The following CLRN1 variants were observed in gnomAD, a reference collection of about 807,000 sequenced individuals.
The protein encoded by CLRN1 is clarin 1, also known as clarin-1.
A neutral mutation model predicts 18.7 loss-of-function variants in CLRN1; 15 were observed. The ratio of observed to expected loss-of-function variants is 0.80; its 90% CI spans 0.54 to 1.23. The LOEUF (loss-of-function observed/expected upper bound fraction) is 1.23. Ranked by LOEUF, CLRN1 falls within the 50% of genes most tolerant of loss-of-function variation. The pLI, the probability that CLRN1 is intolerant of heterozygous loss-of-function variation, is 0.00. For missense variants in CLRN1, 311 were observed against 277.5 expected, an observed-to-expected ratio of 1.12 and a Z score of -0.86; for synonymous variants, 104 against 102.9, an observed-to-expected ratio of 1.01 and a Z score of -0.07.
intron 2 of CLRN1, among the ~76,000 whole-genome samples, chr3:150,935,701 A>G (rs1713440489): frequency 6.6e-6 from 1 of 151,532 alleles, no homozygotes; most frequent in African/African-American, 2.4e-5. Context: ...CTAGTTCTAG[A>G]TCCCTGAGGA....
At chr3:150,940,127 C>T (rs1171999474) in intron 2 of CLRN1, among the ~76,000 whole-genome samples, 1 of 152,240 alleles carries the variant, frequency 6.6e-6, no homozygotes, top group East Asian at 1.9e-4. Flanking sequence ...GAGCTTCATG[C>T]TGAATGCTTT....
At chr3:150,929,362 G>A (rs1382621192) in intron 2 of CLRN1, among the ~76,000 whole-genome samples, 1 of 152,158 alleles carries the variant, frequency 6.6e-6, no homozygotes, top group Non-Finnish European at 1.5e-5. Flanking sequence ...ACCAGATCAG[G>A]AGCACATAGG....
intron 1 of CLRN1, among the ~76,000 whole-genome samples, chr3:150,965,794 GGT>G (rs10586519): frequency 0.12 from 18,834 of 152,162 alleles, 1,285 homozygotes; most frequent in East Asian, 0.24. Context: ...AAGGTATATG[GGT>G]GTGCGTGTGC....
chr3:150,959,530 G>A (rs1005991366), intron 1 of CLRN1, among the ~76,000 whole-genome samples: 1 of 151,790 alleles, frequency 6.6e-6, no homozygotes, highest in African/African-American at 2.4e-5. Flanking sequence ...TCAGGAGGCT[G>A]GGGCAGGAGA....
intron 1 of CLRN1, among the ~76,000 whole-genome samples, chr3:150,963,565 T>C (rs2107984217): frequency 6.6e-6 from 1 of 152,296 alleles, no homozygotes; most frequent in East Asian, 1.9e-4. Flanking sequence ...AAAAAACTAC[T>C]TTAAATTTCA....
chr3:150,964,527 C>T (rs1715176174), intron 1 of CLRN1, among the ~76,000 whole-genome samples: 1 of 152,130 alleles, frequency 6.6e-6, no homozygotes, highest in African/African-American at 2.4e-5. Flanking sequence ...ACCAGAAATG[C>T]CATTTGACCC....
chr3:150,928,177 A>G lies in CLRN1; in HGVS notation c.458T>C (p.Ile153Thr). 1 of 1,614,118 alleles carries G rather than the reference A, an allele frequency of 6.2e-7. No individual in the cohort carries two copies. Among genetic ancestry groups the G allele is most frequent in the Non-Finnish European group, 8.5e-7 (1 of 1,180,022 alleles). ...ISGSCGCLVM[I>T]LFASEVKIHH... ...GATTTTCACTTCAGAGGCAAACAAT[A>G]TCATGACAAGACAGCCACAGGAGCC... is the stretch of plus-strand genomic sequence containing the variant. The change falls in exon 3 of 3, where the codon ATA becomes ACA. Residue 153 changes from isoleucine to threonine, a missense_variant. By Grantham distance (89) the Ile-to-Thr change is moderately conservative (BLOSUM62 -1). Transcript: ENST00000327047.
intron 1 of CLRN1, among the ~76,000 whole-genome samples, chr3:150,956,562 TC>T (rs1714743346): frequency 1.3e-5 from 2 of 152,150 alleles, no homozygotes; most frequent in Non-Finnish European, 2.9e-5. Flanking sequence ...AGAGAGGCTG[TC>T]ATACCCTCAT....
At chr3:150,931,030 C>T (rs764911764) in intron 2 of CLRN1, among the ~76,000 whole-genome samples, 3 of 152,148 alleles carry the variant, frequency 2.0e-5, no homozygotes, top group Non-Finnish European at 4.4e-5. Flanking sequence ...TCAACGTTGT[C>T]GTTTCAGGGA....
In CLRN1 at chr3:150,956,627, C is replaced by T. The variant is rs115649693; in HGVS notation, c.254-14866G>A. ...CTGAGTAAGTCGTAAGTTAATGACT[C>T]GGAGTGAAAACAGTGATAGGGATGC... On this transcript the variant is annotated intron_variant, in intron 1 of 2. Transcript: ENST00000327047. 4.9e-3 allele frequency among the ~76,000 whole-genome samples: 742 copies of T among 152,224 alleles called. 6 individuals carry two copies. The highest frequency in any genetic ancestry group is 0.017 in the African/African-American group (693 of 41,556).
intron 2 of CLRN1, among the ~76,000 whole-genome samples, chr3:150,936,758 C>T (rs1447377386): frequency 2.6e-5 from 4 of 152,138 alleles, no homozygotes; most frequent in African/African-American, 9.7e-5. Flanking sequence ...TAACTGGTAT[C>T]AACTGATCTC....
intron 1 of CLRN1, among the ~76,000 whole-genome samples, chr3:150,952,809 G>C (rs1714559853): frequency 6.6e-6 from 1 of 152,202 alleles, no homozygotes; most frequent in South Asian, 2.1e-4. Flanking sequence ...GGAAAAGCCA[G>C]AAGGTAAAAT....
intron 1 of CLRN1, chr3:150,945,419 C>A (rs1005381080): frequency 8.1e-6 from 8 of 982,434 alleles, no homozygotes; most frequent in East Asian, 6.3e-5. Context: ...GGCCACAACA[C>A]TCTACTCCTG....
In CLRN1 at chr3:150,927,912, T is replaced by C. The variant is rs377032758; in HGVS notation, c.*24A>G. 4.3e-5 allele frequency: 70 copies of C among 1,613,862 alleles called. No homozygotes were observed. In the African/African-American group the frequency reaches 8.0e-4, roughly 18 times the overall value. On this transcript the variant is annotated 3_prime_UTR_variant, in exon 3 of 3. Coordinates refer to ENST00000327047, the MANE Select transcript of CLRN1 (RefSeq NM_174878.3). Reference sequence around the variant, plus strand: ...TGACCAAAGCAAGTCTACTCCCTTGTAAAATTATAGAAAGGTTTGCCTTTC... The same window carrying C: ...TGACCAAAGCAAGTCTACTCCCTTGCAAAATTATAGAAAGGTTTGCCTTTC...
At chr3:150,966,986 T>C (rs1219758749) in intron 1 of CLRN1, among the ~76,000 whole-genome samples, 1 of 152,218 alleles carries the variant, frequency 6.6e-6, no homozygotes, top group African/African-American at 2.4e-5. Flanking sequence ...GTCTCCCATA[T>C]ACAGATGCAA....
At position 150,927,800 on chromosome 3, in the gene CLRN1, C is replaced by T. The variant is rs768481587; in HGVS notation, c.*136G>A. 10 of 1,109,552 alleles carry T rather than the reference C, an allele frequency of 9.0e-6. No individual in the cohort carries two copies. The highest frequency in any genetic ancestry group is 2.4e-5 in the East Asian group (1 of 41,314). The allele number at this position is 1,109,552 out of a possible 1,614,324, so 68.7% of individuals were successfully genotyped here. A position where few individuals can be genotyped will look rare whatever the true frequency, so the allele number is the denominator to read the frequency against. ...TACTTTCCAGCCTGTATCCTTAGTA[C>T]GTAATTTGTAAACATTGTCACGAAG... is the stretch of plus-strand genomic sequence containing the variant. On this transcript the variant is annotated 3_prime_UTR_variant, in exon 3 of 3. Coordinates refer to ENST00000327047, the MANE Select transcript of CLRN1 (RefSeq NM_174878.3).
In CLRN1 at chr3:150,953,621, G is replaced by A. The variant is rs559955395; in HGVS notation, c.254-11860C>T. Among the ~76,000 whole-genome samples the A allele has an allele frequency of 5.3e-4, 81 of 152,176 alleles. 1 individual carries two copies. The highest frequency in any genetic ancestry group is 1.8e-3 in the African/African-American group (74 of 41,512). On this transcript the variant is annotated intron_variant, in intron 1 of 2. Coordinates refer to ENST00000327047, the MANE Select transcript of CLRN1 (RefSeq NM_174878.3). ...CAGCCTCCACCTCTGGAGTTCAAGT[G>A]ATCCTCCCACCTCAGCCACTCAAGT...
chr3:150,955,334 G>A (rs975416622), intron 1 of CLRN1, among the ~76,000 whole-genome samples: 2 of 152,144 alleles, frequency 1.3e-5, no homozygotes, highest in Non-Finnish European at 2.9e-5. Context: ...AAGCCAATAT[G>A]CATTAGTCAA....
chr3:150,957,931 G>C (rs796637198), intron 1 of CLRN1, among the ~76,000 whole-genome samples: 4 of 152,074 alleles, frequency 2.6e-5, no homozygotes, highest in African/African-American at 7.2e-5. Context: ...AAAGTGCTGG[G>C]ATTACAGGTA....
Sources: gnomAD v4.1 joint callset for allele counts (sites outside exome capture counted in the v4.1 genomes callset) on GRCh38, gnomAD v4.1.1 for gene constraint, MANE v1.5 for transcripts, NCBI Gene and HGNC (gene_info 2026-07-23, HGNC 2026-07-21) for gene names.